MINK1: variants seen among roughly 807,000 people sequenced by gnomAD.
MINK1 encodes the protein misshapen-like kinase 1.
In MINK1, 46 loss-of-function variants were observed where a neutral mutation model predicts 178.4. The ratio of observed to expected loss-of-function variants is 0.26; its 90% CI spans 0.20 to 0.33. MINK1 has a LOEUF of 0.33. Ranked by LOEUF, MINK1 falls within the 10% of genes least tolerant of loss-of-function variation. MINK1 has a pLI of 1.00. For missense variants in MINK1, 1,366 were observed against 1,814.9 expected (o/e 0.75, Z 4.49); for synonymous variants, 797 against 709.7 (o/e 1.12, Z -1.96).
Position 4,897,838 on chromosome 17 carries a change from G to GCCAAAACATTCCC in MINK1, c.*554_*566dup, listed in dbSNP as rs1281900603. On this transcript the variant is annotated 3_prime_UTR_variant, in exon 32 of 32. Transcript: ENST00000355280. ...AGGGAATGGAGGGGGGACCCCGCCAGCCAAAACATTCCCCCCATTCCCGAC... is the reference window on the plus strand; with the variant it reads ...AGGGAATGGAGGGGGGACCCCGCCAGCCAAAACATTCCCCCAAAACATTCCCCCCATTCCCGAC... 1 of 152,308 alleles carries GCCAAAACATTCCC rather than the reference G, an allele frequency of 6.6e-6. No individual in the cohort carries two copies. The highest frequency in any genetic ancestry group is 1.5e-5 in the Non-Finnish European group (1 of 68,196). The allele number at this position is 152,308 out of a possible 1,614,324, so 9.4% of individuals were successfully genotyped here.
chr17:4,880,817 G>A (rs1211148320), intron 2 of MINK1, among the ~76,000 whole-genome samples, 167 bp from the exon 3 acceptor site: 3 of 151,888 alleles, frequency 2.0e-5, no homozygotes, highest in African/African-American at 7.2e-5. Context: ...GGAGAATGGC[G>A]TGAACCCGGG....
In MINK1 at chr17:4,885,448, T is replaced by C; in HGVS notation, c.509-35T>C. The C allele has an allele frequency of 6.2e-7, 1 of 1,610,392 alleles. No homozygotes were observed. The highest frequency in any genetic ancestry group is 1.1e-5 in the South Asian group (1 of 90,572). ...TGTGAGGCAAGGGAGCAGAGGTGAC[T>C]CCCCACACTGACCCCTCCCTCTGTG... On this transcript the variant is annotated intron_variant, in intron 6 of 31. Transcript: ENST00000355280. This position sits in a 1 kb window ranked among gnomAD's most constrained non-coding sequence, Gnocchi z 5.0.
Position 4,894,019 on chromosome 17 carries a change from A to G in MINK1, c.2596A>G (p.Met866Val), listed in dbSNP as rs373074365. 3 of 1,591,340 alleles carry G rather than the reference A, an allele frequency of 1.9e-6. No homozygotes were observed. The highest frequency in any genetic ancestry group is 1.3e-5 in the African/African-American group (1 of 74,262). Reference protein sequence around the residue: ...SDGDTDSVSTMVVHDVEEITG... With the variant: ...SDGDTDSVSTVVVHDVEEITG... ...TGGGGATACAGACAGCGTCAGCACC[A>G]TGGTGGTCCACGACGTCGAGGAGAT... is the stretch of plus-strand genomic sequence containing the variant. Residue 866 changes from methionine to valine, a missense_variant, in exon 22 of 32, where the codon ATG becomes GTG. Physicochemically the swap from Met to Val is conservative, Grantham distance 21. This residue lies in a region of MINK1 where 709 missense variants were observed against 692.3 expected (regional missense o/e 1.02). Transcript: ENST00000355280. This position sits in a 1 kb window ranked among gnomAD's most constrained non-coding sequence, Gnocchi z 4.1.
Position 4,885,855 on chromosome 17 carries a change from G to A in MINK1, c.640-56G>A. On this transcript the variant is annotated intron_variant, in intron 7 of 31. Coordinates refer to ENST00000355280, the MANE Select transcript of MINK1 (RefSeq NM_153827.5). The surrounding 1 kb of genome is among the most constrained non-coding windows in gnomAD (Gnocchi z 5.0). ...GAGGCCAGGATGGTGGGTGAAGAGA[G>A]GTTGCAGGGCAGAGTTGTCAGGAAT... 1.9e-6 allele frequency: 3 copies of A among 1,591,178 alleles called. No individual in the cohort carries two copies. In the South Asian group the frequency reaches 3.3e-5, roughly 18 times the overall value.
rs756375993 is a variant in MINK1 at position 4,895,525 on chromosome 17, G to A, written c.3229+32G>A. On this transcript the variant is annotated intron_variant, in intron 26 of 31. Transcript: ENST00000355280. This position sits in a 1 kb window ranked among gnomAD's most constrained non-coding sequence, Gnocchi z 4.3. Reference sequence around the variant, plus strand: ...GTGTGGTGAGTGGGGGAGGGAGGAGGGGCTCAGCTCCTTGGCGCTGTCACC... The same window carrying A: ...GTGTGGTGAGTGGGGGAGGGAGGAGAGGCTCAGCTCCTTGGCGCTGTCACC... 8.4e-6 allele frequency: 13 copies of A among 1,554,622 alleles called. No individual in the cohort carries two copies. The Admixed American group carries it at 1.1e-4, about 13-fold the overall frequency.
At chr17:4,851,577 G>A (rs1911959407) in intron 1 of MINK1, among the ~76,000 whole-genome samples, 1 of 152,054 alleles carries the variant, frequency 6.6e-6, no homozygotes. Context: ...CCACTGCGCT[G>A]AGCTCTTTTC....
At chr17:4,884,831 TG>T in intron 5 of MINK1, 80 bp from the exon 6 acceptor site, 2 of 1,231,170 alleles carry the variant, frequency 1.6e-6, no homozygotes, top group Non-Finnish European at 2.3e-6. Flanking sequence ...GACTGCTCCT[TG>T]TCCCCTCAAC....
intron 1 of MINK1, among the ~76,000 whole-genome samples, chr17:4,866,844 C>A (rs963488937): frequency 6.6e-6 from 1 of 151,878 alleles, no homozygotes; most frequent in Non-Finnish European, 1.5e-5. Context: ...GAGGCCGAGG[C>A]AGGCGGATCA....
rs1433046223 is a variant in MINK1, at chr17:4,891,072, C to T, written c.1688C>T (p.Ser563Phe). 6.4e-7 allele frequency: 1 copy of T among 1,553,584 alleles called. No individual in the cohort carries two copies. Among genetic ancestry groups the T allele is most frequent in the African/African-American group, 1.4e-5 (1 of 73,254 alleles). Residue 563 changes from serine (S) to phenylalanine (F), a missense_variant, in exon 15 of 32, where the codon TCC becomes TTC. Ser to Phe is a radical substitution (Grantham distance 155). This residue lies in a region of MINK1 where 709 missense variants were observed against 692.3 expected (regional missense o/e 1.02). Transcript: ENST00000355280. ...TCCCCAGGGCCCCCAGGACCCCTTT[C>T]CCAGACTCCTCCTATGCAGAGGCCG... Reference protein sequence around the residue: ...QASPGPPGPLSQTPPMQRPVE... With the variant: ...QASPGPPGPLFQTPPMQRPVE...
chr17:4,847,466 G>A (rs1911222753), intron 1 of MINK1, among the ~76,000 whole-genome samples: 1 of 152,174 alleles, frequency 6.6e-6, no homozygotes, highest in Non-Finnish European at 1.5e-5. Flanking sequence ...TGCAGGGAGT[G>A]TTTCCCGAGG....
rs933652080 is a variant in MINK1 at position 4,856,489 on chromosome 17, T to C, written c.58-21828T>C. Among the ~76,000 whole-genome samples, 4 of 152,068 alleles carry C rather than the reference T, an allele frequency of 2.6e-5. No individual in the cohort carries two copies. In the South Asian group the frequency reaches 8.3e-4, roughly 32 times the overall value. On this transcript the variant is annotated intron_variant, in intron 1 of 31. Transcript: ENST00000355280. ...ATCTGAGAACTTTATCAGACACAGC[T>C]GCCGCACAGGGCCTGGCAGCGCGGG...
chr17:4,836,799 A>G lies in MINK1; in HGVS notation c.57+3159A>G, dbSNP rs1909367502. Reference sequence around the variant, plus strand: ...CTGCTTTATTTTTATACAAAATTTTATATAGCATTCCCTTAGTCTGCTTTA... The same window carrying G: ...CTGCTTTATTTTTATACAAAATTTTGTATAGCATTCCCTTAGTCTGCTTTA... On this transcript the variant is annotated intron_variant, in intron 1 of 31. Coordinates refer to ENST00000355280, the MANE Select transcript of MINK1 (RefSeq NM_153827.5). This position sits in a 1 kb window ranked among gnomAD's most constrained non-coding sequence, Gnocchi z 4.3. Among the ~76,000 whole-genome samples the G allele has an allele frequency of 6.6e-6, 1 of 152,146 alleles. No homozygotes were observed. The highest frequency in any genetic ancestry group is 2.4e-5 in the African/African-American group (1 of 41,430).
chr17:4,884,808 C>A, intron 5 of MINK1, 104 bp from the exon 6 acceptor site: 1 of 993,948 alleles, frequency 1.0e-6, no homozygotes, highest in Non-Finnish European at 1.5e-6. Context: ...TTCAGCCCAG[C>A]CCTGTCCAGA....
intron 1 of MINK1, among the ~76,000 whole-genome samples, chr17:4,845,944 G>T (rs1214395155): frequency 1.3e-5 from 2 of 152,224 alleles, no homozygotes; most frequent in African/African-American, 4.8e-5. Flanking sequence ...ATGTGGCTGA[G>T]TTGGATATTT....
chr17:4,888,670 G>A (rs1259476484), intron 12 of MINK1, among the ~76,000 whole-genome samples: 3 of 147,730 alleles, frequency 2.0e-5, no homozygotes, highest in African/African-American at 7.5e-5. Context: ...CGTTCAGATA[G>A]TATAGTAACA....
At chr17:4,855,327 A>G (rs1912860199) in intron 1 of MINK1, among the ~76,000 whole-genome samples, 1 of 151,222 alleles carries the variant, frequency 6.6e-6, no homozygotes, top group African/African-American at 2.4e-5. Flanking sequence ...TCTACTAAAA[A>G]TACAAAAAAT....
Position 4,894,428 on chromosome 17 carries a change from G to C in MINK1, c.2809-97G>C, listed in dbSNP as rs1969212752. On this transcript the variant is annotated intron_variant, in intron 23 of 31. Transcript: ENST00000355280. This position sits in a 1 kb window ranked among gnomAD's most constrained non-coding sequence, Gnocchi z 4.1. ...GAGCGCTGGGAGCTGGACAGCGGGG[G>C]TGCCAGTTGGGGAGCTGGAGCCTGG... The C allele has an allele frequency of 4.6e-6, 7 of 1,521,658 alleles. No homozygotes were observed. Among genetic ancestry groups the C allele is most frequent in the African/African-American group, 4.1e-5 (3 of 72,584 alleles). 94.3% of individuals were successfully genotyped at this position (1,521,658 alleles called of 1,614,324 possible). A position where few individuals can be genotyped will look rare whatever the true frequency, so the allele number is the denominator to read the frequency against.
At chr17:4,864,785 G>A (rs913160228) in intron 1 of MINK1, among the ~76,000 whole-genome samples, 2 of 152,308 alleles carry the variant, frequency 1.3e-5, no homozygotes, top group South Asian at 4.1e-4. Flanking sequence ...GGCCGATATG[G>A]GCAAGCTCCT....
chr17:4,897,100 C>T, intron 31 of MINK1, 104 bp from the exon 32 acceptor site: 1 of 1,012,836 alleles, frequency 9.9e-7, no homozygotes, highest in Admixed American at 2.1e-5. Flanking sequence ...GTCTCTGTGT[C>T]TCCCTCAACT....
Sources: allele counts gnomAD v4.1 joint callset (sites outside exome capture counted in the v4.1 genomes callset), GRCh38; gene constraint gnomAD v4.1.1; regional missense constraint gnomAD v4.1.1; non-coding constraint Gnocchi (gnomAD v3.1); transcripts MANE v1.5; gene names NCBI Gene and HGNC (gene_info 2026-07-23, HGNC 2026-07-21).